The following ARMC6 variants were observed in gnomAD, a reference collection of about 807,000 sequenced individuals.
ARMC6 encodes the protein armadillo repeat containing 6.
In ARMC6, 43 loss-of-function variants were observed where a neutral mutation model predicts 49.2. The observed-to-expected ratio is 0.87, with a 90% CI of 0.69 to 1.13. ARMC6 has a LOEUF of 1.13. Ranked by LOEUF, ARMC6 falls within the 50% of genes most tolerant of loss-of-function variation. ARMC6 has a pLI of 0.00. For synonymous variants in ARMC6, 262 were observed against 289.6 expected, an observed-to-expected ratio of 0.90 and a Z score of 0.97; for missense variants, 627 against 682.0, an observed-to-expected ratio of 0.92 and a Z score of 0.90.
rs149026162 is a variant in ARMC6, at chr19:19,051,696, C to T, written c.354C>T (p.Cys118=). The T allele has an allele frequency of 1.1e-5, 17 of 1,613,836 alleles. No homozygotes were observed. The highest frequency in any genetic ancestry group is 1.6e-4 in the Middle Eastern group (1 of 6,062). Reference sequence around the variant, plus strand: ...TGTCAGCATACCTCACCCGCTTCTGCGACCAGTGCAAACAGGACAAGGCCT... The same window carrying T: ...TGTCAGCATACCTCACCCGCTTCTGTGACCAGTGCAAACAGGACAAGGCCT... The part of the protein sequence containing the change: ...QEVSAYLTRF[C]DQCKQDKACR... The change falls in exon 5 of 9, where the codon TGC becomes TGT. Residue 118 remains cysteine (C), a synonymous_variant. Transcript: ENST00000535612.
intron 4 of ARMC6, among the ~76,000 whole-genome samples, chr19:19,047,753 C>T (rs776886860): frequency 5.9e-5 from 9 of 152,174 alleles, no homozygotes; most frequent in South Asian, 2.1e-4. Context: ...GACACAGCCT[C>T]GGGAGCTCCT....
chr19:19,044,315 G>A (rs2059432468), intron 4 of ARMC6, among the ~76,000 whole-genome samples: 1 of 152,236 alleles, frequency 6.6e-6, no homozygotes, highest in South Asian at 2.1e-4. Flanking sequence ...AGATGGCTTG[G>A]TTGTCCCTGC....
chr19:19,052,127 C>T lies in ARMC6; in HGVS notation c.785C>T (p.Ala262Val), dbSNP rs1368759493. 1 of 1,613,652 alleles carries T rather than the reference C, an allele frequency of 6.2e-7. No homozygotes were observed. The highest frequency in any genetic ancestry group is 1.7e-5 in the Admixed American group (1 of 60,004). ...DDDIRVPFGH[A>V]HNHAKMIVQE... ...GACATCCGTGTGCCCTTTGGCCATG[C>T]CCACAACCATGCCAAGATGATTGTG... is the stretch of plus-strand genomic sequence containing the variant. Residue 262 changes from alanine to valine, a missense_variant, in exon 5 of 9, where the codon GCC becomes GTC. Transcript: ENST00000535612.
At chr19:19,039,905 G>A in intron 2 of ARMC6, among the ~76,000 whole-genome samples, 1 of 152,176 alleles carries the variant, frequency 6.6e-6, no homozygotes, top group Non-Finnish European at 1.5e-5. Flanking sequence ...ACATCCCCAT[G>A]GTGTTGGTTA....
chr19:19,041,984 C>T (rs2145851893), intron 2 of ARMC6, among the ~76,000 whole-genome samples: 1 of 152,166 alleles, frequency 6.6e-6, no homozygotes, highest in Non-Finnish European at 1.5e-5. Flanking sequence ...ATCTTGGCCT[C>T]CCAGGCTCAA....
At chr19:19,052,588 A>G (rs1251871541) in intron 5 of ARMC6, among the ~76,000 whole-genome samples, 1 of 152,148 alleles carries the variant, frequency 6.6e-6, no homozygotes, top group Non-Finnish European at 1.5e-5. Flanking sequence ...GATCATATTC[A>G]GCCACAAATC....
chr19:19,040,023 C>G (rs1396324281), intron 2 of ARMC6, among the ~76,000 whole-genome samples: 1 of 152,218 alleles, frequency 6.6e-6, no homozygotes, highest in Non-Finnish European at 1.5e-5. Context: ...CTCAGCCACA[C>G]TGCCACACTT....
chr19:19,037,254 G>A (rs559304106), intron 2 of ARMC6, among the ~76,000 whole-genome samples: 1 of 152,248 alleles, frequency 6.6e-6, no homozygotes, highest in South Asian at 2.1e-4. Context: ...CTGCGAGCCA[G>A]TCCTTCTCCC....
chr19:19,052,377 C>T (rs1037262958), intron 5 of ARMC6, among the ~76,000 whole-genome samples, 182 bp downstream of exon 5: 7 of 152,204 alleles, frequency 4.6e-5, no homozygotes, highest in African/African-American at 1.7e-4. Flanking sequence ...TCTAGTGGCT[C>T]CAGGAGAATT....
chr19:19,055,054 T>C lies in ARMC6; in HGVS notation c.1024-211T>C, dbSNP rs2059531927. Among the ~76,000 whole-genome samples the C allele has an allele frequency of 6.6e-6, 1 of 152,172 alleles. No homozygotes were observed. Among genetic ancestry groups the C allele is most frequent in the Non-Finnish European group, 1.5e-5 (1 of 68,024 alleles). On this transcript the variant is annotated intron_variant, in intron 6 of 8. Coordinates refer to ENST00000535612, the MANE Select transcript of ARMC6 (RefSeq NM_001199196.2). This position sits in a 1 kb window ranked among gnomAD's most constrained non-coding sequence, Gnocchi z 5.7. The stretch of plus-strand genomic sequence containing the variant: ...CTGAGTCACATGCCCCCGCTGCCCC[T>C]GTCGGGGTAGGGGATCAAGTCACCT...
At chr19:19,045,493 C>CCTTTTTTTTTTTTTTTTTTTT (rs2059442020) in intron 4 of ARMC6, among the ~76,000 whole-genome samples, 1 of 89,118 alleles carries the variant, frequency 1.1e-5, no homozygotes, top group Non-Finnish European at 2.0e-5. Flanking sequence ...ATGCTAAATT[C>CCTTTTTTTTTTTTTTTTTTTT]TTTTTTTTTT....
At chr19:19,045,280 C>T (rs1210433126) in intron 4 of ARMC6, among the ~76,000 whole-genome samples, 7 of 152,114 alleles carry the variant, frequency 4.6e-5, no homozygotes, top group South Asian at 4.2e-4. Flanking sequence ...CCCAAAGTGC[C>T]GGGATTACAG....
At chr19:19,038,329 T>G (rs1184977152) in intron 2 of ARMC6, among the ~76,000 whole-genome samples, 1 of 152,138 alleles carries the variant, frequency 6.6e-6, no homozygotes, top group Non-Finnish European at 1.5e-5. Flanking sequence ...CCCCACCATA[T>G]CCATGGAAAA....
intron 4 of ARMC6, among the ~76,000 whole-genome samples, chr19:19,046,449 G>A (rs28416794): frequency 0.02 from 3,096 of 151,744 alleles, 103 homozygotes; most frequent in African/African-American, 0.071. Flanking sequence ...CGCCTGCCTC[G>A]GCCTCCCAAA....
chr19:19,038,856 C>T (rs2059390461), intron 2 of ARMC6, among the ~76,000 whole-genome samples: 1 of 151,512 alleles, frequency 6.6e-6, no homozygotes. Flanking sequence ...CATGCCTGGC[C>T]TTACTTGCTT....
intron 1 of ARMC6, 62 bp from the exon 2 acceptor site, chr19:19,034,069 G>A (rs2059310716): frequency 3.1e-6 from 2 of 649,712 alleles, no homozygotes; most frequent in Admixed American, 2.6e-5. Context: ...GCCGCCTGGG[G>A]ACAAAATCCT....
chr19:19,046,927 G>GTTTTTTTTTTTTTTTT lies in ARMC6; in HGVS notation c.279+2868_279+2869insTTTTTTTTTTTTTTTT, dbSNP rs386388691. Among the ~76,000 whole-genome samples, 70 of 103,998 alleles carry GTTTTTTTTTTTTTTTT rather than the reference G, an allele frequency of 6.7e-4. 1 individual carries two copies. Among genetic ancestry groups the GTTTTTTTTTTTTTTTT allele is most frequent in the East Asian group, 1.5e-3 (5 of 3,268 alleles). The allele number at this position is 103,998 out of a possible 152,430, so 68.2% of individuals were successfully genotyped here. A position where few individuals can be genotyped will look rare whatever the true frequency, so the allele number is the denominator to read the frequency against. On this transcript the variant is annotated intron_variant, in intron 4 of 8. Coordinates refer to ENST00000535612, the MANE Select transcript of ARMC6 (RefSeq NM_001199196.2). ...CAGGTGTGAGCCAACATGCTCACCT[G>GTTTTTTTTTTTTTTTT]TTTTTTTTTTTTTTTCTTTTTCTAT...
chr19:19,041,395 C>G (rs548538151), intron 2 of ARMC6, among the ~76,000 whole-genome samples: 2 of 151,926 alleles, frequency 1.3e-5, no homozygotes, highest in African/African-American at 4.8e-5. Flanking sequence ...GTTGCCCAGG[C>G]TGGTGTGCAG....
chr19:19,057,354 A>G, intron 8 of ARMC6, 62 bp from the exon 9 acceptor site: 1 of 1,410,534 alleles, frequency 7.1e-7, no homozygotes, highest in Non-Finnish European at 9.9e-7. Context: ...GAAGACCCTG[A>G]GGTCAGAGTG....
Sources: allele counts gnomAD v4.1 joint callset (sites outside exome capture counted in the v4.1 genomes callset), GRCh38; gene constraint gnomAD v4.1.1; non-coding constraint Gnocchi (gnomAD v3.1); transcripts MANE v1.5; gene names NCBI Gene and HGNC (gene_info 2026-07-23, HGNC 2026-07-21).